PLCH1: variants seen among roughly 807,000 people sequenced by gnomAD.
PLCH1 encodes 1-phosphatidylinositol 4,5-bisphosphate phosphodiesterase eta-1.
In PLCH1, 60 loss-of-function variants were observed where a neutral mutation model predicts 126.7. The ratio of observed to expected loss-of-function variants is 0.47; its 90% CI spans 0.38 to 0.59. PLCH1 has a LOEUF of 0.59. Ranked by LOEUF, PLCH1 falls within the 20% of genes least tolerant of loss-of-function variation. PLCH1 has a pLI of 0.00. For missense variants in PLCH1, 1,723 were observed against 2,040.0 expected, an observed-to-expected ratio of 0.84 and a Z score of 2.99; for synonymous variants, 719 against 734.9, an observed-to-expected ratio of 0.98 and a Z score of 0.35.
chr3:155,495,349 G>A (rs1716885816), intron 15 of PLCH1, among the ~76,000 whole-genome samples: 1 of 152,048 alleles, frequency 6.6e-6, no homozygotes. Context: ...TTCCACTCTT[G>A]TCTCCAATCC....
At chr3:155,708,077 A>G (rs193313) in intron 1 of PLCH1, among the ~76,000 whole-genome samples, 75,147 of 152,000 alleles carry the variant, frequency 0.49, 19,388 homozygotes, top group South Asian at 0.68. Context: ...CATTGATAAG[A>G]CTTTACATCA....
chr3:155,490,346 C>T (rs984031630), intron 19 of PLCH1, among the ~76,000 whole-genome samples: 1 of 152,076 alleles, frequency 6.6e-6, no homozygotes, highest in African/African-American at 2.4e-5. Context: ...GAAGTAAACT[C>T]GCCAGACTAT....
intron 1 of PLCH1, among the ~76,000 whole-genome samples, chr3:155,737,766 G>T (rs995837109): frequency 3.9e-5 from 6 of 152,148 alleles, no homozygotes; most frequent in African/African-American, 1.2e-4. Flanking sequence ...TTCTGGTCCA[G>T]GATTCTGACC....
chr3:155,630,637 G>GT (rs1737915748), intron 2 of PLCH1, among the ~76,000 whole-genome samples: 1 of 152,126 alleles, frequency 6.6e-6, no homozygotes, highest in Non-Finnish European at 1.5e-5. Context: ...CGGCACTGTA[G>GT]TTAATCACAC....
intron 2 of PLCH1, among the ~76,000 whole-genome samples, chr3:155,650,292 G>T (rs1353734978): frequency 2.6e-5 from 4 of 152,166 alleles, no homozygotes; most frequent in Non-Finnish European, 5.9e-5. Context: ...CCCAAACGAA[G>T]AACTTCCAAA....
intron 10 of PLCH1, among the ~76,000 whole-genome samples, chr3:155,543,609 A>G: frequency 6.6e-6 from 1 of 152,292 alleles, no homozygotes; most frequent in Non-Finnish European, 1.5e-5. Flanking sequence ...AGTTGAAATG[A>G]CGGAAAAAAT....
rs756793470 is a variant in PLCH1, at chr3:155,565,044, C to A, written c.940G>T (p.Asp314Tyr). ...ATGTAGTAGTTGCAGAGGGGCTGAT[C>A]CATGTCTTGGTACACTTCATGGTGC... ...PLHHEVYQDMDQPLCNYYIAS... is the reference protein window; with the variant it reads ...PLHHEVYQDMYQPLCNYYIAS... Residue 314 changes from aspartate (D) to tyrosine (Y), a missense_variant, in exon 8 of 23, where the codon GAT becomes TAT. Physicochemically the swap from Asp to Tyr is radical, Grantham distance 160. This residue lies in a region of PLCH1 where 776 missense variants were observed against 1,062.9 expected (regional missense o/e 0.73). Transcript: ENST00000460012. 3.7e-6 allele frequency: 6 copies of A among 1,613,396 alleles called. No individual in the cohort carries two copies. In the Admixed American group the frequency reaches 1.0e-4, roughly 27 times the overall value.
In PLCH1 at chr3:155,480,200, G is replaced by A. The variant is rs1479716465; in HGVS notation, c.*768C>T. ...CTCATTCTGAAAGCCGTTGTTCGCA[G>A]TCTGTAATTCAATCAGAAAATTCAA... On this transcript the variant is annotated 3_prime_UTR_variant, in exon 23 of 23. Coordinates refer to ENST00000460012, the MANE Select transcript of PLCH1 (RefSeq NM_014996.4). 1 of 152,652 alleles carries A rather than the reference G, an allele frequency of 6.6e-6. No homozygotes were observed. The highest frequency in any genetic ancestry group is 2.4e-5 in the African/African-American group (1 of 41,466). 9.5% of individuals were successfully genotyped at this position (152,652 alleles called of 1,614,324 possible).
At chr3:155,573,176 AT>A (rs1242884839) in intron 6 of PLCH1, among the ~76,000 whole-genome samples, 1 of 151,748 alleles carries the variant, frequency 6.6e-6, no homozygotes, top group African/African-American at 2.4e-5. Flanking sequence ...GTCTCTATTT[AT>A]TTGCTTTAGT....
chr3:155,480,782 T>A lies in PLCH1; in HGVS notation c.*186A>T. ...AGGGAGAAAGATCATAATAGGTACA[T>A]GGGAAATGTCACCAAATCTATATAC... is the stretch of plus-strand genomic sequence containing the variant. On this transcript the variant is annotated 3_prime_UTR_variant, in exon 23 of 23. Transcript: ENST00000460012. 1 of 585,512 alleles carries A rather than the reference T, an allele frequency of 1.7e-6. No homozygotes were observed. The allele number at this position is 585,512 out of a possible 1,614,324, so 36.3% of individuals were successfully genotyped here. A position where few individuals can be genotyped will look rare whatever the true frequency, so the allele number is the denominator to read the frequency against.
intron 1 of PLCH1, among the ~76,000 whole-genome samples, chr3:155,720,621 G>T (rs1747881852): frequency 6.6e-6 from 1 of 152,060 alleles, no homozygotes; most frequent in Non-Finnish European, 1.5e-5. Context: ...TGGATAATTT[G>T]TCCTTTGTCA....
intron 2 of PLCH1, among the ~76,000 whole-genome samples, chr3:155,639,161 C>T (rs1022645350): frequency 3.3e-5 from 5 of 152,122 alleles, no homozygotes; most frequent in African/African-American, 1.2e-4. Context: ...CCTTAAGCTT[C>T]CCATAAATAA....
intron 22 of PLCH1, chr3:155,483,312 T>C: frequency 1.4e-6 from 2 of 1,430,556 alleles, no homozygotes; most frequent in Non-Finnish European, 1.9e-6. Flanking sequence ...GTCAAAAAAA[T>C]GTCAATGAGT....
At chr3:155,495,508 CT>C (rs982235993) in intron 15 of PLCH1, among the ~76,000 whole-genome samples, 4 of 152,168 alleles carry the variant, frequency 2.6e-5, no homozygotes, top group Admixed American at 2.6e-4. Context: ...TACCCAGAAT[CT>C]CATTCTTATT....
intron 2 of PLCH1, among the ~76,000 whole-genome samples, chr3:155,666,893 GGTGTGTGTGTGTGTGTGTGTGT>G (rs3220185): frequency 6.7e-6 from 1 of 148,652 alleles, no homozygotes; most frequent in Non-Finnish European, 1.5e-5. Context: ...ACACAGATGA[GGTGTGTGTGTGTGTGTGTGTGT>G]GTGTGTGTGT....
intron 2 of PLCH1, among the ~76,000 whole-genome samples, chr3:155,655,057 A>C (rs994440734): frequency 6.6e-6 from 1 of 152,058 alleles, no homozygotes; most frequent in African/African-American, 2.4e-5. Context: ...CTGCCTTTAG[A>C]TGTTATATGG....
chr3:155,474,958 G>T (rs1713466920), downstream of PLCH1, among the ~76,000 whole-genome samples: 1 of 132,786 alleles, frequency 7.5e-6, no homozygotes, highest in African/African-American at 2.9e-5. Flanking sequence ...GGATAGCATT[G>T]GGAGATATAC....
At chr3:155,645,284 A>C (rs1254742732) in intron 2 of PLCH1, among the ~76,000 whole-genome samples, 2 of 152,228 alleles carry the variant, frequency 1.3e-5, no homozygotes. Flanking sequence ...ATCACGGCAC[A>C]CTGCAGTCTC....
intron 2 of PLCH1, among the ~76,000 whole-genome samples, chr3:155,634,099 C>T (rs530055082): frequency 6.6e-6 from 1 of 152,190 alleles, no homozygotes; most frequent in Non-Finnish European, 1.5e-5. Context: ...GCCAAGAAAA[C>T]TTGCATTTCA....
Sources: gnomAD v4.1 joint callset for allele counts (sites outside exome capture counted in the v4.1 genomes callset) on GRCh38, gnomAD v4.1.1 for gene constraint, gnomAD v4.1.1 regional missense constraint, MANE v1.5 for transcripts, NCBI Gene and HGNC (gene_info 2026-07-23, HGNC 2026-07-21) for gene names.